ABLIM1: variants seen among roughly 807,000 people sequenced by gnomAD.
ABLIM1 encodes the protein actin binding LIM protein 1, also known as actin-binding LIM protein 1.
A neutral mutation model predicts 107.0 loss-of-function variants in ABLIM1; 40 were observed. The ratio of observed to expected loss-of-function variants is 0.37; its 90% CI spans 0.29 to 0.49. ABLIM1 has a LOEUF of 0.49. ABLIM1 is among the 20% of genes least tolerant of loss of function. The probability of loss-of-function intolerance (pLI) is 0.97; values close to 1 mark genes in which losing one functional copy is unlikely to be tolerated. For synonymous variants in ABLIM1, 357 were observed against 357.3 expected, an observed-to-expected ratio of 1.00 and a Z score of 0.01; for missense variants, 857 against 1,008.5, an observed-to-expected ratio of 0.85 and a Z score of 2.04.
chr10:114,601,740 C>T lies in ABLIM1; in HGVS notation c.379+87G>A, dbSNP rs186955372. ...GAGCATTCGCTTATCATCCAGTGAC[C>T]GGATGTGGAGTTAAGGGGATGGGCT... On this transcript the variant is annotated intron_variant, in intron 2 of 22. Transcript: ENST00000533213. The T allele has an allele frequency of 1.4e-4, 221 of 1,576,082 alleles. 1 individual carries two copies. The Middle Eastern group carries it at 4.0e-3, about 29-fold the overall frequency.
chr10:114,737,544 T>G lies in ABLIM1; in HGVS notation c.-213+30517A>C, dbSNP rs533185833. Reference sequence around the variant, plus strand: ...GTCCTGATCCTGTAAATGGGCCTGCTCATGTCCTGCCAAGTTCTTACCCCA... The same window carrying G: ...GTCCTGATCCTGTAAATGGGCCTGCGCATGTCCTGCCAAGTTCTTACCCCA... On this transcript the variant is annotated intron_variant, in intron 1 of 15. Transcript: ENST00000651092. Among the ~76,000 whole-genome samples, 98 of 152,274 alleles carry G rather than the reference T, an allele frequency of 6.4e-4. 3 individuals carry two copies. The South Asian group carries it at 0.019, about 30-fold the overall frequency.
At chr10:114,798,351 G>A in the ABLIM1 span, among the ~76,000 whole-genome samples, 1 of 151,982 alleles carries the variant, frequency 6.6e-6, no homozygotes. Context: ...TTGAACCCAG[G>A]AGGCAGAGGT....
rs1449052933 is a variant in ABLIM1 at position 114,704,492 on chromosome 10, T to G, written c.-213+63569A>C. Among the ~76,000 whole-genome samples, 3 of 151,632 alleles carry G rather than the reference T, an allele frequency of 2.0e-5. No homozygotes were observed. The East Asian group carries it at 5.8e-4, about 29-fold the overall frequency. On this transcript the variant is annotated intron_variant, in intron 1 of 15. Transcript: ENST00000651092. ...CTTTGGCCGGCTACTAAGCCAGAAT[T>G]TAGTAAGAGTATTACATATTGGCAG...
At chr10:114,693,526 G>C (rs2081129572) in intron 1 of ABLIM1, among the ~76,000 whole-genome samples, 3 of 152,180 alleles carry the variant, frequency 2.0e-5, no homozygotes, top group African/African-American at 7.2e-5. Context: ...ATCCATCATA[G>C]GGTTCAGGTC....
At chr10:114,704,302 C>CTCTCTA (rs1380460034) in intron 1 of ABLIM1, among the ~76,000 whole-genome samples, 3 of 43,090 alleles carry the variant, frequency 7.0e-5, no homozygotes, top group African/African-American at 1.7e-4. Flanking sequence ...CTCTCTCTCT[C>CTCTCTA]TATATATATA....
intron 2 of ABLIM1, among the ~76,000 whole-genome samples, chr10:114,583,454 CACACACACACACACATATATATATAT>C (rs1461337681): frequency 6.8e-4 from 11 of 16,076 alleles, no homozygotes; most frequent in African/African-American, 1.7e-3. Context: ...CACACACACA[CACACACACACACACATATATATATAT>C]ATATATATAT....
At chr10:114,755,062 G>A (rs1292685931) in intron 1 of ABLIM1, among the ~76,000 whole-genome samples, 1 of 152,092 alleles carries the variant, frequency 6.6e-6, no homozygotes, top group Non-Finnish European at 1.5e-5. Flanking sequence ...CCAGCCTCTG[G>A]GCCACCGACT....
chr10:114,591,515 T>C (rs1203315354), intron 2 of ABLIM1, among the ~76,000 whole-genome samples: 1 of 152,198 alleles, frequency 6.6e-6, no homozygotes, highest in African/African-American at 2.4e-5. Flanking sequence ...AAAGCTGTTC[T>C]ATCTTTGTTA....
Position 114,436,019 on chromosome 10 carries a change from C to T in ABLIM1, c.*241G>A. On this transcript the variant is annotated 3_prime_UTR_variant, in exon 23 of 23. Coordinates refer to ENST00000533213, the MANE Select transcript of ABLIM1 (RefSeq NM_002313.7). Reference sequence around the variant, plus strand: ...TATACATAAGGTAATGTGAAAAGCTCACATGTGGACACTACTCTGTGTTTC... The same window carrying T: ...TATACATAAGGTAATGTGAAAAGCTTACATGTGGACACTACTCTGTGTTTC... The T allele has an allele frequency of 2.1e-6, 1 of 476,792 alleles. No homozygotes were observed. The highest frequency in any genetic ancestry group is 3.8e-6 in the Non-Finnish European group (1 of 266,304). The allele number at this position is 476,792 out of a possible 1,614,324, so 29.5% of individuals were successfully genotyped here.
At chr10:114,625,451 A>C (rs964686856) in intron 1 of ABLIM1, among the ~76,000 whole-genome samples, 2 of 152,194 alleles carry the variant, frequency 1.3e-5, no homozygotes, top group African/African-American at 4.8e-5. Flanking sequence ...AGGTTGTTTT[A>C]CAAGACTGCA....
At chr10:114,568,391 T>TA (rs1026205571) in intron 4 of ABLIM1, among the ~76,000 whole-genome samples, 1 of 151,978 alleles carries the variant, frequency 6.6e-6, no homozygotes, top group Admixed American at 6.6e-5. Flanking sequence ...CTGGAATTTT[T>TA]AAAAAAACAT....
At chr10:114,798,561 C>CCCCT in the ABLIM1 span, among the ~76,000 whole-genome samples, 5 of 143,334 alleles carry the variant, frequency 3.5e-5, no homozygotes, top group African/African-American at 1.1e-4. Context: ...ATGAGACCCC[C>CCCCT]CCCCCATGTC....
intron 1 of ABLIM1, among the ~76,000 whole-genome samples, chr10:114,693,132 T>C (rs2081118664): frequency 6.6e-6 from 1 of 152,186 alleles, no homozygotes; most frequent in Admixed American, 6.5e-5. Context: ...AGCTGTTTTC[T>C]AGCTAACAGA....
chr10:114,487,913 T>C (rs769344184), intron 8 of ABLIM1, 45 bp downstream of exon 8: 34 of 1,604,692 alleles, frequency 2.1e-5, no homozygotes, highest in Non-Finnish European at 2.6e-5. Context: ...CACGAGCGTA[T>C]GGCCTACAAA....
At chr10:114,719,911 T>A (rs760935369) in intron 1 of ABLIM1, among the ~76,000 whole-genome samples, 10 of 152,166 alleles carry the variant, frequency 6.6e-5, no homozygotes, top group Non-Finnish European at 1.3e-4. Context: ...GCATAAACAA[T>A]CCAATTAACC....
At chr10:114,590,278 T>C (rs893753559) in intron 2 of ABLIM1, among the ~76,000 whole-genome samples, 1 of 152,122 alleles carries the variant, frequency 6.6e-6, no homozygotes, top group Admixed American at 6.6e-5. Flanking sequence ...ACCCCCATTG[T>C]TGAGTGACAT....
intron 3 of ABLIM1, among the ~76,000 whole-genome samples, chr10:114,574,406 T>C (rs542749346): frequency 6.6e-6 from 1 of 152,272 alleles, no homozygotes; most frequent in East Asian, 1.9e-4. Context: ...TTCACATAGT[T>C]TTCTTGTTCT....
the ABLIM1 span, among the ~76,000 whole-genome samples, chr10:114,792,306 G>C: frequency 5.3e-5 from 8 of 152,152 alleles, no homozygotes; most frequent in African/African-American, 1.9e-4. Context: ...GGGTGACAGA[G>C]CCAGACCCTG....
chr10:114,709,926 T>C (rs1453650694), intron 1 of ABLIM1, among the ~76,000 whole-genome samples: 1 of 152,228 alleles, frequency 6.6e-6, no homozygotes, highest in East Asian at 1.9e-4. Context: ...TTCTCAAACT[T>C]ACATAAGCCT....
Sources: gnomAD v4.1 joint callset for allele counts (sites outside exome capture counted in the v4.1 genomes callset) on GRCh38, gnomAD v4.1.1 for gene constraint, MANE v1.5 for transcripts, NCBI Gene and HGNC (gene_info 2026-07-23, HGNC 2026-07-21) for gene names.